ARHGAP22: variants seen among roughly 807,000 people sequenced by gnomAD.
ARHGAP22 encodes the protein Rho GTPase activating protein 22, also known as rho GTPase-activating protein 22.
In ARHGAP22, 48 loss-of-function variants were observed where a neutral mutation model predicts 59.1. The observed-to-expected ratio is 0.81, with a 90% CI of 0.64 to 1.03. ARHGAP22 has a LOEUF of 1.03. Among genes scored for constraint, ARHGAP22 ranks in the 50% least tolerant of loss-of-function variants. The pLI is 0.00. For synonymous variants in ARHGAP22, 445 were observed against 416.4 expected (o/e 1.07, Z -0.84); for missense variants, 1,015 against 958.7 (o/e 1.06, Z -0.78).
At chr10:48,453,717 A>G (rs770075270) in intron 7 of ARHGAP22, among the ~76,000 whole-genome samples, 4 of 152,240 alleles carry the variant, frequency 2.6e-5, no homozygotes, top group Non-Finnish European at 5.9e-5. Flanking sequence ...CCCAGACCCC[A>G]GTCAGCGCCG....
intron 3 of ARHGAP22, among the ~76,000 whole-genome samples, chr10:48,495,938 T>A (rs1260812947): frequency 6.6e-6 from 1 of 152,072 alleles, no homozygotes; most frequent in African/African-American, 2.4e-5. Flanking sequence ...CCAGCAGCCC[T>A]CAAGGGACTG....
intron 3 of ARHGAP22, among the ~76,000 whole-genome samples, chr10:48,513,119 C>T (rs1467932958): frequency 6.6e-6 from 1 of 152,138 alleles, no homozygotes; most frequent in East Asian, 1.9e-4. Flanking sequence ...TGACTCAGAG[C>T]TCACTCTGCA....
At chr10:48,566,099 A>T (rs188263098) in intron 2 of ARHGAP22, among the ~76,000 whole-genome samples, 158 of 152,316 alleles carry the variant, frequency 1.0e-3, no homozygotes, top group African/African-American at 3.4e-3. Flanking sequence ...CTCTCTGGGA[A>T]GTCTTCATTT....
chr10:48,477,871 A>G (rs1589630274), intron 4 of ARHGAP22, among the ~76,000 whole-genome samples: 1 of 152,182 alleles, frequency 6.6e-6, no homozygotes, highest in East Asian at 1.9e-4. Flanking sequence ...GGAGTGAGTA[A>G]TTTGATGACC....
At chr10:48,457,936 AG>A (rs1477313789) in intron 5 of ARHGAP22, among the ~76,000 whole-genome samples, 2 of 4,806 alleles carry the variant, frequency 4.2e-4, no homozygotes, top group African/African-American at 1.0e-3. Context: ...GTGGGTAGGG[AG>A]GGGGGACCTT....
intron 1 of ARHGAP22, among the ~76,000 whole-genome samples, chr10:48,595,882 T>A (rs1489175646): frequency 6.6e-6 from 1 of 152,144 alleles, no homozygotes; most frequent in Non-Finnish European, 1.5e-5. Flanking sequence ...TCTAAGGGGA[T>A]CTAGAGAATG....
chr10:48,439,930 G>C, the ARHGAP22 span, among the ~76,000 whole-genome samples: 856 of 152,344 alleles, frequency 5.6e-3, 10 homozygotes, highest in African/African-American at 0.02. Flanking sequence ...GGAAGGGGCT[G>C]ATCTTTTAGC....
intron 3 of ARHGAP22, among the ~76,000 whole-genome samples, chr10:48,524,629 T>G (rs1391396267): frequency 6.6e-6 from 1 of 152,152 alleles, no homozygotes. Flanking sequence ...GGCAGTCATC[T>G]CAAGGGTGAC....
chr10:48,436,592 G>C, the ARHGAP22 span: 1 of 152,166 alleles, frequency 6.6e-6, no homozygotes, highest in African/African-American at 2.4e-5. Flanking sequence ...AGCAAGAACA[G>C]GTGCGGCTCA....
At chr10:48,522,330 G>A (rs929114715) in intron 3 of ARHGAP22, among the ~76,000 whole-genome samples, 1 of 152,178 alleles carries the variant, frequency 6.6e-6, no homozygotes, top group African/African-American at 2.4e-5. Context: ...GGGAGGGTAG[G>A]GCCCAGCTGG....
chr10:48,446,735 AG>A lies in ARHGAP22; in HGVS notation c.1869-117del. The A allele has an allele frequency of 2.9e-6, 3 of 1,024,490 alleles. No homozygotes were observed. In the South Asian group the frequency reaches 4.9e-5, roughly 17 times the overall value. The allele number at this position is 1,024,490 out of a possible 1,614,324, so 63.5% of individuals were successfully genotyped here. On this transcript the variant is annotated intron_variant, in intron 9 of 9. Transcript: ENST00000249601. ...AGGGGTCAGGCCAAGCCATGGCGGC[AG>A]GAGGAAACCCTGGCTCATCTGCTCC...
intron 1 of ARHGAP22, among the ~76,000 whole-genome samples, chr10:48,590,341 C>T (rs2059676588): frequency 6.6e-6 from 1 of 151,986 alleles, no homozygotes; most frequent in African/African-American, 2.4e-5. Flanking sequence ...CAAGAGGGAG[C>T]TTCCTGGGAG....
At chr10:48,612,312 T>A (rs529861580) in intron 1 of ARHGAP22, among the ~76,000 whole-genome samples, 107 of 152,308 alleles carry the variant, frequency 7.0e-4, no homozygotes, top group African/African-American at 2.6e-3. Context: ...CCCCTCCCTG[T>A]TTTGGAGGTA....
intron 3 of ARHGAP22, among the ~76,000 whole-genome samples, chr10:48,509,358 T>A (rs2052515273): frequency 6.6e-6 from 1 of 152,192 alleles, no homozygotes; most frequent in Non-Finnish European, 1.5e-5. Flanking sequence ...AGGGGACACC[T>A]CCAGCAGAGG....
intron 3 of ARHGAP22, among the ~76,000 whole-genome samples, chr10:48,490,066 C>T (rs2050231862): frequency 6.6e-6 from 1 of 152,066 alleles, no homozygotes; most frequent in African/African-American, 2.4e-5. Flanking sequence ...TAGGGTCCAA[C>T]GTCTATGGGT....
At position 48,459,921 on chromosome 10, in the gene ARHGAP22, T is replaced by TCCA. The variant is rs773869925; in HGVS notation, c.452-33_452-31dup. ...GCACAGAGAGGAGCTAGTCACACCCTCCACCACCCAGCTCAGTGTTGGGTG... is the reference window on the plus strand; with the variant it reads ...GCACAGAGAGGAGCTAGTCACACCCTCCACCACCACCCAGCTCAGTGTTGGGTG... On this transcript the variant is annotated intron_variant, in intron 4 of 9. Coordinates refer to ENST00000249601, the MANE Select transcript of ARHGAP22 (RefSeq NM_021226.4). The TCCA allele has an allele frequency of 2.9e-5, 46 of 1,600,274 alleles. No individual in the cohort carries two copies. In the African/African-American group the frequency reaches 5.2e-4, roughly 18 times the overall value.
chr10:48,464,381 A>G lies in ARHGAP22; in HGVS notation c.452-4490T>C, dbSNP rs112440340. ...GCTCCCCCATGGCGCCTTCCTGAAC[A>G]CTTTCCCAAAACAGGGATGGAAGAG... On this transcript the variant is annotated intron_variant, in intron 4 of 9. Coordinates refer to ENST00000249601, the MANE Select transcript of ARHGAP22 (RefSeq NM_021226.4). 4.0e-3 allele frequency among the ~76,000 whole-genome samples: 610 copies of G among 152,310 alleles called. 5 individuals are homozygous for G. The highest frequency in any genetic ancestry group is 0.014 in the African/African-American group (595 of 41,572).
chr10:48,490,467 CCA>C (rs2050275613), intron 3 of ARHGAP22, among the ~76,000 whole-genome samples: 1 of 152,138 alleles, frequency 6.6e-6, no homozygotes, highest in Non-Finnish European at 1.5e-5. Context: ...CCCAAATGCC[CCA>C]GTTAAGAAAC....
In ARHGAP22 at chr10:48,583,047, T is replaced by C. The variant is rs2059212915; in HGVS notation, c.140A>G (p.Gln47Arg). ...CTGCCAGTTCTTCATGATGCTCCTCTGCTTCTTCAGCCAGCCCGCCTTCAG... is the reference window on the plus strand; with the variant it reads ...CTGCCAGTTCTTCATGATGCTCCTCCGCTTCTTCAGCCAGCCCGCCTTCAG... ...PVLKAGWLKK[Q>R]RSIMKNWQQR... The change falls in exon 2 of 10, where the codon CAG becomes CGG. Residue 47 changes from glutamine (Q) to arginine (R), a missense_variant. Gln to Arg is a conservative substitution (Grantham distance 43). Coordinates refer to ENST00000249601, the MANE Select transcript of ARHGAP22 (RefSeq NM_021226.4). The C allele has an allele frequency of 1.9e-6, 3 of 1,614,278 alleles. No individual in the cohort carries two copies. Among genetic ancestry groups the C allele is most frequent in the East Asian group, 2.2e-5 (1 of 44,888 alleles).
Sources: gnomAD v4.1 joint callset for allele counts (sites outside exome capture counted in the v4.1 genomes callset) on GRCh38, gnomAD v4.1.1 for gene constraint, MANE v1.5 for transcripts, NCBI Gene and HGNC (gene_info 2026-07-23, HGNC 2026-07-21) for gene names.